The following PARVB variants were observed in gnomAD, a reference collection of about 807,000 sequenced individuals.
PARVB encodes parvin beta.
PARVB carries 46 observed loss-of-function variants against 47.0 expected under a neutral mutation model. The ratio of observed to expected loss-of-function variants is 0.98; its 90% CI spans 0.77 to 1.25. PARVB has a LOEUF of 1.25. Among genes scored for constraint, PARVB ranks in the 50% most tolerant of loss-of-function variants. The pLI is 0.00. For missense variants in PARVB, 473 were observed against 471.6 expected (o/e 1.00, Z -0.03); for synonymous variants, 196 against 196.3 (o/e 1.00, Z 0.01).
chr22:44,118,593 G>C (rs938715993), intron 3 of PARVB, among the ~76,000 whole-genome samples: 1 of 152,182 alleles, frequency 6.6e-6, no homozygotes, highest in Non-Finnish European at 1.5e-5. Flanking sequence ...GGTGATGAGA[G>C]GGCAGTATTA....
intron 1 of PARVB, among the ~76,000 whole-genome samples, chr22:44,055,967 C>T (rs369556549): frequency 3.9e-5 from 6 of 152,324 alleles, no homozygotes; most frequent in South Asian, 2.1e-4. Flanking sequence ...TTCACAGGCA[C>T]GCCCAGAATA....
At chr22:44,028,863 A>G (rs527689077) in intron 1 of PARVB, among the ~76,000 whole-genome samples, 3 of 152,340 alleles carry the variant, frequency 2.0e-5, no homozygotes, top group South Asian at 4.1e-4. Flanking sequence ...TGCTGTTTCA[A>G]TTCGCATTTC....
chr22:44,007,105 GTTCA>G (rs1569045540), intron 2 of PARVB, among the ~76,000 whole-genome samples: 1 of 152,220 alleles, frequency 6.6e-6, no homozygotes. Context: ...ACTACCTTCC[GTTCA>G]TTCAACCGTT....
chr22:44,025,946 A>C (rs761851742), intron 1 of PARVB, among the ~76,000 whole-genome samples: 3 of 152,206 alleles, frequency 2.0e-5, no homozygotes. Context: ...GAATGAATAC[A>C]TAGACAACTG....
intron 1 of PARVB, among the ~76,000 whole-genome samples, chr22:44,034,855 C>T (rs1189632736): frequency 1.3e-5 from 2 of 151,718 alleles, no homozygotes; most frequent in Non-Finnish European, 2.9e-5. Context: ...GGATTACAGG[C>T]GTGCACCACC....
Position 44,119,114 on chromosome 22 carries a change from A to G in PARVB, c.350A>G (p.Asp117Gly), listed in dbSNP as rs760973940. Residue 117 changes from aspartate to glycine, a missense_variant, in exon 4 of 13, where the codon GAC becomes GGC. Transcript: ENST00000338758. ...AAGCAGCTGGAGGAAGACCTGTATG[A>G]CGGCCAGGTGCTGCAGAAGCTCTTG... ...IVKQLEEDLY[D>G]GQVLQKLLEK... 1.9e-6 allele frequency: 3 copies of G among 1,613,446 alleles called. No homozygotes were observed. The African/African-American group carries it at 4.0e-5, about 22-fold the overall frequency.
intron 1 of PARVB, chr22:44,086,836 G>A (rs2147022084): frequency 1.0e-6 from 1 of 985,292 alleles, no homozygotes; most frequent in Middle Eastern, 5.2e-4. Flanking sequence ...GATGGAAGTT[G>A]GAAAATTCAT....
chr22:44,011,779 A>G (rs1178079171), intron 2 of PARVB, among the ~76,000 whole-genome samples: 3 of 152,144 alleles, frequency 2.0e-5, no homozygotes, highest in Non-Finnish European at 4.4e-5. Context: ...TAGCTCCAGC[A>G]TCGTAGAGCA....
At chr22:44,112,266 G>C (rs2147100059) in intron 3 of PARVB, 1 of 152,330 alleles carries the variant, frequency 6.6e-6, no homozygotes, top group African/African-American at 2.4e-5. Flanking sequence ...TGGGGTCCGT[G>C]GCTGGGTCAG....
At chr22:44,159,930 G>T (rs1370552654) in intron 11 of PARVB, among the ~76,000 whole-genome samples, 1 of 152,210 alleles carries the variant, frequency 6.6e-6, no homozygotes, top group Non-Finnish European at 1.5e-5. Context: ...TTTGGGAGGA[G>T]GGACTGAGGT....
chr22:44,110,340 G>A (rs2052668488), intron 3 of PARVB: 1 of 152,048 alleles, frequency 6.6e-6, no homozygotes, highest in Admixed American at 6.6e-5. Flanking sequence ...CAGGAAACAG[G>A]ACTATTTTCT....
At chr22:44,045,935 T>C (rs898784649) in intron 1 of PARVB, among the ~76,000 whole-genome samples, 3 of 152,204 alleles carry the variant, frequency 2.0e-5, no homozygotes, top group Non-Finnish European at 2.9e-5. Flanking sequence ...TAGGGCGTGA[T>C]TTTCTATTTC....
rs2054213425 is a variant in PARVB at position 44,168,288 on chromosome 22, C to T, written c.1019-314C>T. The stretch of plus-strand genomic sequence containing the variant: ...TTTTGGTCCCGGTAAGTGTCATTAG[C>T]CATGTCCCCCAACCGGTTCTTAGAC... On this transcript the variant is annotated intron_variant, in intron 12 of 12. Transcript: ENST00000338758. 3 of 296,838 alleles carry T rather than the reference C, an allele frequency of 1.0e-5. No homozygotes were observed. The South Asian group carries it at 1.3e-4, about 13-fold the overall frequency. 18.4% of individuals were successfully genotyped at this position (296,838 alleles called of 1,614,324 possible). A position where few individuals can be genotyped will look rare whatever the true frequency, so the allele number is the denominator to read the frequency against.
chr22:44,004,381 G>GT (rs2050442870), intron 2 of PARVB, among the ~76,000 whole-genome samples: 1 of 152,108 alleles, frequency 6.6e-6, no homozygotes, highest in Admixed American at 6.5e-5. Context: ...TCCTCTCAAA[G>GT]TTGCTGCAAA....
chr22:44,071,899 C>G (rs1014319965), intron 1 of PARVB, among the ~76,000 whole-genome samples: 3 of 152,212 alleles, frequency 2.0e-5, no homozygotes, highest in African/African-American at 7.2e-5. Flanking sequence ...ATGCCTGGCC[C>G]AAAGCCAGGA....
intron 1 of PARVB, among the ~76,000 whole-genome samples, chr22:44,066,622 T>C (rs1401472822): frequency 1.3e-5 from 2 of 152,196 alleles, no homozygotes; most frequent in Non-Finnish European, 2.9e-5. Flanking sequence ...GAGATCCTGA[T>C]ACGCACCCTG....
chr22:44,086,289 G>A (rs918342710), intron 1 of PARVB, among the ~76,000 whole-genome samples: 1 of 152,234 alleles, frequency 6.6e-6, no homozygotes, highest in Non-Finnish European at 1.5e-5. Context: ...GCGCTTTCTT[G>A]TATGTTGTGC....
At chr22:44,034,851 C>T (rs1010532905) in intron 1 of PARVB, among the ~76,000 whole-genome samples, 1 of 151,618 alleles carries the variant, frequency 6.6e-6, no homozygotes, top group South Asian at 2.1e-4. Context: ...GCTGGGATTA[C>T]AGGCGTGCAC....
At chr22:44,083,471 G>A (rs2051954423) in intron 1 of PARVB, among the ~76,000 whole-genome samples, 1 of 152,158 alleles carries the variant, frequency 6.6e-6, no homozygotes. Context: ...GGGGAATAGG[G>A]TTTGTCATTG....
Sources: gnomAD v4.1 joint callset for allele counts (sites outside exome capture counted in the v4.1 genomes callset) on GRCh38, gnomAD v4.1.1 for gene constraint, MANE v1.5 for transcripts, NCBI Gene and HGNC (gene_info 2026-07-23, HGNC 2026-07-21) for gene names.